MAP3K5: variants seen among roughly 807,000 people sequenced by gnomAD.
MAP3K5 encodes ASK-1.
A neutral mutation model predicts 158.7 loss-of-function variants in MAP3K5; 56 were observed. That is an observed-to-expected ratio of 0.35 (90% CI 0.28 to 0.44). MAP3K5 has a LOEUF of 0.44. MAP3K5 is among the 20% of genes least tolerant of loss of function. The pLI is 1.00. For synonymous variants in MAP3K5, 579 were observed against 601.7 expected, an observed-to-expected ratio of 0.96 and a Z score of 0.55; for missense variants, 1,294 against 1,674.8, an observed-to-expected ratio of 0.77 and a Z score of 3.97.
chr6:136,771,182 G>A (rs1406497227), intron 1 of MAP3K5, among the ~76,000 whole-genome samples: 2 of 152,122 alleles, frequency 1.3e-5, no homozygotes, highest in Non-Finnish European at 2.9e-5. Flanking sequence ...ACTCAAAAAG[G>A]CATTTTCTTC....
At chr6:136,558,696 C>T in intron 29 of MAP3K5, 104 bp downstream of exon 29, 1 of 740,436 alleles carries the variant, frequency 1.4e-6, no homozygotes, top group Non-Finnish European at 2.4e-6. Flanking sequence ...GAGCTCTGTC[C>T]AGAACTACAA....
intron 1 of MAP3K5, among the ~76,000 whole-genome samples, chr6:136,779,991 A>C (rs1784551843): frequency 6.6e-6 from 1 of 152,208 alleles, no homozygotes; most frequent in Non-Finnish European, 1.5e-5. Flanking sequence ...AGTTAAAAGC[A>C]CTTGGAGAGA....
chr6:136,772,108 G>GGT (rs1554318228), intron 1 of MAP3K5, among the ~76,000 whole-genome samples: 2 of 143,940 alleles, frequency 1.4e-5, no homozygotes, highest in African/African-American at 5.1e-5. Flanking sequence ...TGGGGGGGGG[G>GGT]GGTTTACCAT....
At chr6:136,645,041 G>A (rs572976517) in intron 11 of MAP3K5, among the ~76,000 whole-genome samples, 12 of 152,132 alleles carry the variant, frequency 7.9e-5, no homozygotes, top group East Asian at 1.9e-4. Flanking sequence ...CAATCCTCCC[G>A]CCTCAGCCTC....
chr6:136,637,083 G>A, intron 14 of MAP3K5: 1 of 1,370,560 alleles, frequency 7.3e-7, no homozygotes, highest in Non-Finnish European at 9.4e-7. Context: ...CATAGATAAA[G>A]CATAGTTACT....
chr6:136,592,738 T>A, intron 21 of MAP3K5, 124 bp from the exon 22 acceptor site: 1 of 860,634 alleles, frequency 1.2e-6, no homozygotes. Context: ...AGCATAATTA[T>A]GCTATGTAAG....
chr6:136,613,680 C>T lies in MAP3K5; in HGVS notation c.2279-424G>A, dbSNP rs80046956. Among the ~76,000 whole-genome samples, 10,516 of 152,042 alleles carry T rather than the reference C, an allele frequency of 0.069. 820 individuals are homozygous for T. The highest frequency in any genetic ancestry group is 0.19 in the African/African-American group (7,691 of 41,390). Reference sequence around the variant, plus strand: ...CTGCGATTATAGGCTAAATCTCTTCCGCATTTTTGTCCTGTAAATGATTGG... The same window carrying T: ...CTGCGATTATAGGCTAAATCTCTTCTGCATTTTTGTCCTGTAAATGATTGG... On this transcript the variant is annotated intron_variant, in intron 16 of 29. Transcript: ENST00000359015. This position sits in a 1 kb window ranked among gnomAD's most constrained non-coding sequence, Gnocchi z 4.0.
intron 9 of MAP3K5, among the ~76,000 whole-genome samples, chr6:136,658,046 A>G (rs1252515613): frequency 1.3e-5 from 2 of 152,170 alleles, no homozygotes; most frequent in Non-Finnish European, 2.9e-5. Context: ...ATCTTTAGAA[A>G]GATCCCTGGG....
At chr6:136,783,276 TAA>T (rs11436876) in intron 1 of MAP3K5, among the ~76,000 whole-genome samples, 1 of 144,156 alleles carries the variant, frequency 6.9e-6, no homozygotes, top group Admixed American at 6.9e-5. Flanking sequence ...AAGATCTTCT[TAA>T]AAAAAAAAAA....
At chr6:136,635,025 T>TA (rs1379512416) in intron 14 of MAP3K5, among the ~76,000 whole-genome samples, 6 of 151,638 alleles carry the variant, frequency 4.0e-5, no homozygotes, top group African/African-American at 1.5e-4. Flanking sequence ...GCTGAGATGA[T>TA]AGGCACCTGC....
intron 23 of MAP3K5, among the ~76,000 whole-genome samples, chr6:136,587,493 G>C (rs772601814): frequency 6.6e-6 from 1 of 152,086 alleles, no homozygotes; most frequent in Non-Finnish European, 1.5e-5. Context: ...AAGTTAAATC[G>C]GTTGCCCAAA....
rs1776253780 is a variant in MAP3K5 at position 136,609,841 on chromosome 6, C to T, written c.2521+1441G>A. 6.6e-6 allele frequency among the ~76,000 whole-genome samples: 1 copy of T among 150,908 alleles called. No individual in the cohort carries two copies. The highest frequency in any genetic ancestry group is 2.4e-5 in the African/African-American group (1 of 41,032). On this transcript the variant is annotated intron_variant, in intron 18 of 29. Coordinates refer to ENST00000359015, the MANE Select transcript of MAP3K5 (RefSeq NM_005923.4). This position sits in a 1 kb window ranked among gnomAD's most constrained non-coding sequence, Gnocchi z 4.4. The stretch of plus-strand genomic sequence containing the variant: ...AAAACAGTTTTGCCAGGCATGACAT[C>T]CTAGATACTTAGGAGAGTGGGGTGG...
chr6:136,585,424 G>A (rs1199968183), intron 23 of MAP3K5, among the ~76,000 whole-genome samples: 5 of 150,550 alleles, frequency 3.3e-5, no homozygotes, highest in African/African-American at 1.2e-4. Flanking sequence ...AACCTCAGAT[G>A]GAACTTTTCT....
At chr6:136,708,498 C>T (rs914728067) in intron 2 of MAP3K5, among the ~76,000 whole-genome samples, 10 of 152,070 alleles carry the variant, frequency 6.6e-5, no homozygotes, top group African/African-American at 7.2e-5. Context: ...TCAAGCAATC[C>T]GCCTGCTTCA....
chr6:136,590,603 C>T lies in MAP3K5; in HGVS notation c.3225+1570G>A, dbSNP rs557910660. Among the ~76,000 whole-genome samples the T allele has an allele frequency of 5.3e-5, 8 of 151,138 alleles. No homozygotes were observed. In the East Asian group the frequency reaches 5.9e-4, roughly 11 times the overall value. On this transcript the variant is annotated intron_variant, in intron 23 of 29. Coordinates refer to ENST00000359015, the MANE Select transcript of MAP3K5 (RefSeq NM_005923.4). ...TCGCCCAGGCTGGAGTGCAGTGGCGCGATCTCAGCTCACTGCAAGCTCCGC... is the reference window on the plus strand; with the variant it reads ...TCGCCCAGGCTGGAGTGCAGTGGCGTGATCTCAGCTCACTGCAAGCTCCGC...
chr6:136,574,751 C>T (rs751138926), intron 25 of MAP3K5, among the ~76,000 whole-genome samples: 4 of 140,962 alleles, frequency 2.8e-5, no homozygotes, highest in Admixed American at 7.5e-5. Flanking sequence ...TGCAGTGGCA[C>T]GATCTCGGCT....
At chr6:136,688,782 T>C (rs1780263195) in intron 7 of MAP3K5, among the ~76,000 whole-genome samples, 1 of 152,222 alleles carries the variant, frequency 6.6e-6, no homozygotes, top group Non-Finnish European at 1.5e-5. Flanking sequence ...TCTAACTTCA[T>C]AGGAGATGTT....
chr6:136,578,577 G>C (rs1774722493), intron 25 of MAP3K5, among the ~76,000 whole-genome samples: 1 of 152,022 alleles, frequency 6.6e-6, no homozygotes, highest in Non-Finnish European at 1.5e-5. Context: ...TTTGGGGATA[G>C]GTCCAGACTC....
At chr6:136,773,602 A>G (rs2115014435) in intron 1 of MAP3K5, among the ~76,000 whole-genome samples, 1 of 151,964 alleles carries the variant, frequency 6.6e-6, no homozygotes, top group South Asian at 2.1e-4. Flanking sequence ...TTCTCACTAG[A>G]TGATGCCTTC....
Sources: gnomAD v4.1 joint callset for allele counts (sites outside exome capture counted in the v4.1 genomes callset) on GRCh38, gnomAD v4.1.1 for gene constraint, Gnocchi (gnomAD v3.1) non-coding constraint, MANE v1.5 for transcripts, NCBI Gene and HGNC (gene_info 2026-07-23, HGNC 2026-07-21) for gene names.